The following RBM6 variants were observed in gnomAD, a reference collection of about 807,000 sequenced individuals.
The protein encoded by RBM6 is RNA binding motif protein 6, also known as RNA-binding protein 6.
In RBM6, 23 loss-of-function variants were observed where a neutral mutation model predicts 140.4. The observed-to-expected ratio is 0.16, with a 90% CI of 0.12 to 0.23. The LOEUF is 0.23. Among genes scored for constraint, RBM6 ranks in the 10% least tolerant of loss-of-function variants. The pLI is 1.00. For synonymous variants in RBM6, 439 were observed against 475.6 expected (o/e 0.92, Z 1.00); for missense variants, 1,139 against 1,386.7 (o/e 0.82, Z 2.84).
At chr3:50,039,724 AT>A (rs2088768925) in intron 6 of RBM6, among the ~76,000 whole-genome samples, 1 of 152,164 alleles carries the variant, frequency 6.6e-6, no homozygotes, top group Non-Finnish European at 1.5e-5. Flanking sequence ...GAGTTTATAA[AT>A]TGTAAGAAGC....
intron 5 of RBM6, among the ~76,000 whole-genome samples, chr3:49,987,317 C>T (rs2085608638): frequency 6.7e-6 from 1 of 149,484 alleles, no homozygotes; most frequent in Non-Finnish European, 1.5e-5. Flanking sequence ...TTGTAAATTT[C>T]CTTTTTTGTT....
chr3:49,957,487 C>T (rs1283943308), intron 1 of RBM6, among the ~76,000 whole-genome samples: 4 of 152,054 alleles, frequency 2.6e-5, no homozygotes, highest in Admixed American at 2.6e-4. Flanking sequence ...AGTGCATAAG[C>T]AGGCAACCTT....
intron 5 of RBM6, among the ~76,000 whole-genome samples, chr3:49,987,552 A>G (rs572054713): frequency 5.3e-5 from 8 of 151,902 alleles, no homozygotes; most frequent in Admixed American, 4.6e-4. Context: ...CCTGACCTCA[A>G]GTGATCCGCC....
At chr3:50,032,384 T>C (rs1334989082) in intron 6 of RBM6, among the ~76,000 whole-genome samples, 1 of 150,254 alleles carries the variant, frequency 6.7e-6, no homozygotes, top group Non-Finnish European at 1.5e-5. Flanking sequence ...CTCAGGAGGC[T>C]GAGGCAGGAG....
intron 6 of RBM6, among the ~76,000 whole-genome samples, chr3:50,017,671 A>T (rs1575704546): frequency 6.6e-6 from 1 of 151,918 alleles, no homozygotes; most frequent in African/African-American, 2.4e-5. Context: ...TACATTTTGG[A>T]TATTAGCCCT....
chr3:49,959,188 CTTT>C (rs35892482), intron 1 of RBM6, among the ~76,000 whole-genome samples: 4 of 124,948 alleles, frequency 3.2e-5, no homozygotes, highest in Non-Finnish European at 1.7e-5. Flanking sequence ...GATTTTTTTC[CTTT>C]TTTTTTTTTT....
intron 6 of RBM6, among the ~76,000 whole-genome samples, chr3:50,038,430 T>A (rs1384088385): frequency 2.0e-5 from 3 of 152,242 alleles, no homozygotes; most frequent in Admixed American, 2.0e-4. Flanking sequence ...TAGAGACCTA[T>A]TCAATGAAGC....
At chr3:50,033,456 A>G (rs1019775833) in intron 6 of RBM6, among the ~76,000 whole-genome samples, 13 of 152,178 alleles carry the variant, frequency 8.5e-5, no homozygotes, top group South Asian at 4.1e-4. Flanking sequence ...TATAATAAAA[A>G]TGTTCACTTC....
rs984794823 is a variant in RBM6, at chr3:50,040,345, C to T, written c.1558-7900C>T. ...CCTGTAGTCCCAGCTACTCGGGAGG[C>T]TGAGGCAGGAAAATTGCATGAACCC... On this transcript the variant is annotated intron_variant, in intron 6 of 20. Transcript: ENST00000266022. 2.0e-5 allele frequency among the ~76,000 whole-genome samples: 3 copies of T among 148,368 alleles called. No homozygotes were observed. In the Admixed American group the frequency reaches 2.0e-4, roughly 10 times the overall value.
intron 3 of RBM6, among the ~76,000 whole-genome samples, chr3:49,970,480 C>T (rs549002932): frequency 1.3e-5 from 2 of 152,244 alleles, no homozygotes; most frequent in East Asian, 3.9e-4. Flanking sequence ...TTGACTCTTG[C>T]AACTCTCGCT....
At chr3:49,947,825 A>T (rs936106571) in intron 1 of RBM6, among the ~76,000 whole-genome samples, 6 of 152,190 alleles carry the variant, frequency 3.9e-5, no homozygotes, top group Admixed American at 2.6e-4. Context: ...TCCATTTGGG[A>T]AAAAGATTGT....
chr3:49,979,015 C>T (rs151039165), intron 5 of RBM6, among the ~76,000 whole-genome samples: 1 of 152,128 alleles, frequency 6.6e-6, no homozygotes, highest in Admixed American at 6.6e-5. Context: ...AGAAACTACT[C>T]ATGCACCTAA....
chr3:49,977,596 C>G (rs1390131288), intron 5 of RBM6, among the ~76,000 whole-genome samples: 4 of 152,120 alleles, frequency 2.6e-5, no homozygotes, highest in Non-Finnish European at 4.4e-5. Context: ...GAGCCTTATT[C>G]CTTCTTGTTT....
chr3:50,067,099 A>C (rs547147525), intron 17 of RBM6, among the ~76,000 whole-genome samples: 1 of 149,068 alleles, frequency 6.7e-6, no homozygotes, highest in Non-Finnish European at 1.5e-5. Flanking sequence ...AGGCAGGAGA[A>C]TCGCTTGAAC....
intron 6 of RBM6, among the ~76,000 whole-genome samples, chr3:50,002,943 C>T (rs533446389): frequency 1.2e-3 from 182 of 151,834 alleles, no homozygotes; most frequent in Non-Finnish European, 2.3e-3. Context: ...GGTGAAACCC[C>T]GTCTCTACTA....
chr3:50,076,903 C>T, intron 20 of RBM6, 105 bp from the exon 21 acceptor site: 1 of 1,169,426 alleles, frequency 8.6e-7, no homozygotes, highest in African/African-American at 1.6e-5. Flanking sequence ...AAAAAATTAT[C>T]CTATATACTG....
Position 50,066,335 on chromosome 3 carries a change from C to T in RBM6, c.2776C>T (p.Pro926Ser). Residue 926 changes from proline to serine, a missense_variant, in exon 17 of 21, where the codon CCA (proline) becomes TCA (serine). Physicochemically the swap from Pro to Ser is moderately conservative, Grantham distance 74. This residue lies in a region of RBM6 where 23 missense variants were observed against 19.2 expected (regional missense o/e 1.20). Transcript: ENST00000266022. ...EEEEEEQTPP[P>S]QPRTAQPQKR... Reference sequence around the variant, plus strand: ...AGAAGAGGAGGAACAGACCCCTCCCCCACAGCCCCGCACAGCACAGCCCCA... The same window carrying T: ...AGAAGAGGAGGAACAGACCCCTCCCTCACAGCCCCGCACAGCACAGCCCCA... The T allele has an allele frequency of 1.2e-6, 2 of 1,614,078 alleles. No homozygotes were observed. Among genetic ancestry groups the T allele is most frequent in the Non-Finnish European group, 1.7e-6 (2 of 1,180,040 alleles).
chr3:50,041,643 T>A (rs1472520471), intron 6 of RBM6, among the ~76,000 whole-genome samples: 2 of 152,248 alleles, frequency 1.3e-5, no homozygotes, highest in East Asian at 3.8e-4. Context: ...CCGTTTGACA[T>A]GGTTCTTGAA....
chr3:50,066,148 C>G (rs957914539), intron 16 of RBM6, 94 bp from the exon 17 acceptor site: 11 of 1,338,368 alleles, frequency 8.2e-6, no homozygotes, highest in Non-Finnish European at 1.1e-5. Context: ...GAACCCAATT[C>G]AATGAAATGA....
Sources: gnomAD v4.1 joint callset for allele counts (sites outside exome capture counted in the v4.1 genomes callset) on GRCh38, gnomAD v4.1.1 for gene constraint, gnomAD v4.1.1 regional missense constraint, MANE v1.5 for transcripts, NCBI Gene and HGNC (gene_info 2026-07-23, HGNC 2026-07-21) for gene names.